Variants in SLC14A2 observed in about 807,000 individuals in gnomAD.
The protein encoded by SLC14A2 is urea transporter 2.
A neutral mutation model predicts 104.6 loss-of-function variants in SLC14A2; 91 were observed. The ratio of observed to expected loss-of-function variants is 0.87; its 90% CI spans 0.73 to 1.04. The LOEUF is 1.04. Ranked by LOEUF, SLC14A2 falls within the 50% of genes least tolerant of loss-of-function variation. The pLI, the probability that SLC14A2 is intolerant of heterozygous loss-of-function variation, is 0.00. For missense variants in SLC14A2, 1,189 were observed against 1,156.0 expected (o/e 1.03, Z -0.41); for synonymous variants, 476 against 466.4 (o/e 1.02, Z -0.27).
chr18:45,461,007 A>T (rs573352886), intron 1 of SLC14A2, among the ~76,000 whole-genome samples: 2 of 152,180 alleles, frequency 1.3e-5, no homozygotes, highest in South Asian at 4.2e-4. Context: ...AACCTTTCCT[A>T]TGAGATCTCA....
chr18:45,371,869 A>G (rs911928865), intron 1 of SLC14A2, among the ~76,000 whole-genome samples: 7 of 152,230 alleles, frequency 4.6e-5, no homozygotes, highest in African/African-American at 1.7e-4. Context: ...GAGTATGTGT[A>G]CCAGGATAAG....
intron 1 of SLC14A2, among the ~76,000 whole-genome samples, chr18:45,470,130 T>C (rs1483918053): frequency 1.3e-5 from 2 of 152,212 alleles, no homozygotes; most frequent in Non-Finnish European, 2.9e-5. Context: ...TAAAAGCTGT[T>C]GCTATGTTTT....
At chr18:45,186,717 C>T in the SLC14A2 span, among the ~76,000 whole-genome samples, 1 of 152,172 alleles carries the variant, frequency 6.6e-6, no homozygotes, top group African/African-American at 2.4e-5. Flanking sequence ...CTGGAGTATA[C>T]ACCATTACAG....
intron 1 of SLC14A2, among the ~76,000 whole-genome samples, chr18:45,352,592 G>C (rs2085514314): frequency 6.6e-6 from 1 of 152,064 alleles, no homozygotes; most frequent in African/African-American, 2.4e-5. Context: ...TGCCCCTGTA[G>C]AGCTTACAAC....
chr18:45,343,098 T>G (rs2085412526), intron 1 of SLC14A2, among the ~76,000 whole-genome samples: 2 of 151,548 alleles, frequency 1.3e-5, no homozygotes, highest in African/African-American at 4.9e-5. Context: ...ACAACCTACC[T>G]GAGTTAGTCC....
chr18:45,625,171 G>T (rs1412694287), intron 2 of SLC14A2, among the ~76,000 whole-genome samples: 1 of 152,040 alleles, frequency 6.6e-6, no homozygotes, highest in Non-Finnish European at 1.5e-5. Context: ...AGGTAGACTG[G>T]CTGGCCACTG....
rs41301139 is a variant in SLC14A2, at chr18:45,682,443, G to T, written c.2687G>T (p.Arg896Leu). 1.9e-6 allele frequency: 3 copies of T among 1,614,076 alleles called. No homozygotes were observed. Among genetic ancestry groups the T allele is most frequent in the South Asian group, 2.2e-5 (2 of 91,080 alleles). ...LSKVTYPEAN[R>L]IYYLSQERNR... Reference sequence around the variant, plus strand: ...AAAGTCACCTACCCAGAGGCCAACCGCATCTACTACCTGTCCCAGGAGAGA... The same window carrying T: ...AAAGTCACCTACCCAGAGGCCAACCTCATCTACTACCTGTCCCAGGAGAGA... Residue 896 changes from arginine (R) to leucine (L), a missense_variant, in exon 20 of 20, where the codon CGC becomes CTC. Coordinates refer to ENST00000255226, the MANE Select transcript of SLC14A2 (RefSeq NM_007163.4).
At chr18:45,476,949 TTTG>T (rs945364705) in intron 1 of SLC14A2, among the ~76,000 whole-genome samples, 20 of 152,032 alleles carry the variant, frequency 1.3e-4, no homozygotes, top group African/African-American at 4.8e-4. Flanking sequence ...CTTGGAGGAG[TTTG>T]TTATTACCCG....
chr18:45,243,302 A>C (rs11659892), intron 1 of SLC14A2, among the ~76,000 whole-genome samples: 48,643 of 152,100 alleles, frequency 0.32, 9,547 homozygotes, highest in African/African-American at 0.56. Context: ...GCTTCACAAA[A>C]GTTACCATAA....
At chr18:45,253,187 C>T (rs376988655) in intron 1 of SLC14A2, among the ~76,000 whole-genome samples, 71 of 152,266 alleles carry the variant, frequency 4.7e-4, no homozygotes, top group Admixed American at 1.5e-3. Flanking sequence ...CCCAATATTT[C>T]GCATTGCAAT....
intron 1 of SLC14A2, among the ~76,000 whole-genome samples, chr18:45,429,046 C>A (rs115677319): frequency 6.6e-6 from 1 of 152,114 alleles, no homozygotes; most frequent in Non-Finnish European, 1.5e-5. Flanking sequence ...AAGGGGCCAA[C>A]GGCAGAATTT....
chr18:45,461,882 T>C (rs2087051915), intron 1 of SLC14A2, among the ~76,000 whole-genome samples: 1 of 152,206 alleles, frequency 6.6e-6, no homozygotes, highest in South Asian at 2.1e-4. Context: ...TAGATTGTTT[T>C]CCTCCCTGGG....
rs570991591 is a variant in SLC14A2, at chr18:45,236,721, A to G, written c.-125+23530A>G. 3.3e-5 allele frequency among the ~76,000 whole-genome samples: 5 copies of G among 152,056 alleles called. No individual in the cohort carries two copies. In the South Asian group the frequency reaches 1.0e-3, roughly 32 times the overall value. ...GCTATTATGAATAGTGCTACAATAA[A>G]CATAAGAGTACATATCTCTCTTAAA... On this transcript the variant is annotated intron_variant, in intron 1 of 20. Coordinates refer to the SLC14A2 transcript ENST00000586448.
intron 1 of SLC14A2, among the ~76,000 whole-genome samples, chr18:45,266,831 G>A (rs2084596786): frequency 6.6e-6 from 1 of 152,136 alleles, no homozygotes; most frequent in Non-Finnish European, 1.5e-5. Context: ...TCTTGCTATA[G>A]GTCAGGGGTA....
chr18:45,661,837 C>T (rs1014703913), intron 10 of SLC14A2, among the ~76,000 whole-genome samples: 2 of 152,134 alleles, frequency 1.3e-5, no homozygotes, highest in African/African-American at 4.8e-5. Context: ...CACAGACGTC[C>T]CAGGACAAGT....
At chr18:45,560,765 A>G (rs773444019) in intron 2 of SLC14A2, among the ~76,000 whole-genome samples, 1 of 151,974 alleles carries the variant, frequency 6.6e-6, no homozygotes, top group Non-Finnish European at 1.5e-5. Context: ...TGGAGCCCCC[A>G]TACCCTCACC....
intron 10 of SLC14A2, among the ~76,000 whole-genome samples, chr18:45,652,933 T>A (rs966153638): frequency 6.6e-6 from 1 of 152,146 alleles, no homozygotes; most frequent in Non-Finnish European, 1.5e-5. Context: ...AGCAGTCATT[T>A]CCTGTCTTTT....
intron 11 of SLC14A2, 79 bp from the exon 12 acceptor site, chr18:45,666,058 G>A (rs2046016985): frequency 2.1e-6 from 2 of 964,462 alleles, no homozygotes; most frequent in Non-Finnish European, 3.4e-6. Context: ...AACACCTCTT[G>A]AGCCTTGCAG....
chr18:45,272,458 T>C (rs1039809429), intron 1 of SLC14A2, among the ~76,000 whole-genome samples: 1 of 152,032 alleles, frequency 6.6e-6, no homozygotes, highest in Admixed American at 6.6e-5. Context: ...TTTTACTATG[T>C]TAAGTGAAAT....
Sources: gnomAD v4.1 joint callset for allele counts (sites outside exome capture counted in the v4.1 genomes callset) on GRCh38, gnomAD v4.1.1 for gene constraint, MANE v1.5 for transcripts, NCBI Gene and HGNC (gene_info 2026-07-23, HGNC 2026-07-21) for gene names.